The following AMMECR1 variants were observed in gnomAD, a reference collection of about 807,000 sequenced individuals.
AMMECR1 encodes the protein AMMECR nuclear protein 1.
In AMMECR1, 3 loss-of-function variants were observed where a neutral mutation model predicts 22.5. The ratio of observed to expected loss-of-function variants is 0.13; its 90% CI spans 0.06 to 0.35. The LOEUF (loss-of-function observed/expected upper bound fraction) is 0.35, where lower values mean the gene tolerates loss of function less well. Among genes scored for constraint, AMMECR1 ranks in the 10% least tolerant of loss-of-function variants. The pLI is 1.00. For missense variants in AMMECR1, 235 were observed against 278.7 expected, an observed-to-expected ratio of 0.84 and a Z score of 1.12; for synonymous variants, 130 against 116.7, an observed-to-expected ratio of 1.11 and a Z score of -0.74.
chrX:110,251,370 G>C (rs2067685482), intron 2 of AMMECR1, among the ~76,000 whole-genome samples: 2 of 111,758 alleles, frequency 1.8e-5, no homozygotes, highest in African/African-American at 3.3e-5. Flanking sequence ...GGAGTTGACT[G>C]GGTGGAAATG....
intron 2 of AMMECR1, among the ~76,000 whole-genome samples, chrX:110,344,382 A>T: frequency 8.9e-6 from 1 of 112,543 alleles, no homozygotes; most frequent in East Asian, 2.8e-4. Flanking sequence ...ACCTAAAACC[A>T]TAAAAACCCT....
At chrX:110,249,598 T>G (rs1390825808) in intron 2 of AMMECR1, among the ~76,000 whole-genome samples, 1 of 111,423 alleles carries the variant, frequency 9.0e-6, no homozygotes, top group East Asian at 2.8e-4. Flanking sequence ...AGCAGAGATA[T>G]GTTTAAAGAA....
rs1435450542 is a variant in AMMECR1, at chrX:110,196,368, C to T, written c.*2152G>A. The T allele has an allele frequency of 9.1e-6, 1 of 109,373 alleles. No homozygotes were observed. The highest frequency in any genetic ancestry group is 1.9e-5 in the Non-Finnish European group (1 of 52,729). The allele number at this position is 109,373 out of a possible 1,213,427, so 9.0% of individuals were successfully genotyped here. On this transcript the variant is annotated 3_prime_UTR_variant, in exon 6 of 6. Transcript: ENST00000262844. The stretch of plus-strand genomic sequence containing the variant: ...CTCTTCAGTTTGCTTGTTTTATTTA[C>T]CTTTTTTTCCTTTTTTTTGTTTTTT...
intron 2 of AMMECR1, among the ~76,000 whole-genome samples, chrX:110,377,502 T>G (rs1415824399): frequency 8.9e-6 from 1 of 112,089 alleles, no homozygotes; most frequent in South Asian, 3.7e-4. Flanking sequence ...AGCACTCCAA[T>G]CAAACTATTA....
At chrX:110,382,278 C>A (rs1234169022) in intron 2 of AMMECR1, among the ~76,000 whole-genome samples, 1 of 109,359 alleles carries the variant, frequency 9.1e-6, no homozygotes, top group African/African-American at 3.3e-5. Flanking sequence ...TGGGTCATGA[C>A]GAACTTTATT....
chrX:110,283,059 CAA>C (rs975956215), intron 1 of AMMECR1, among the ~76,000 whole-genome samples: 1 of 105,140 alleles, frequency 9.5e-6, no homozygotes, highest in Non-Finnish European at 2.0e-5. Context: ...TATGGGTTAA[CAA>C]AAAAAAAATG....
Position 110,317,707 on chromosome X carries a change from C to T in AMMECR1, c.365G>A (p.Arg122Gln). The change falls in exon 1 of 6, where the codon CGG becomes CAG. Residue 122 changes from arginine to glutamine, a missense_variant. By Grantham distance (43) the Arg-to-Gln change is conservative. This residue lies in a region of AMMECR1 where 111 missense variants were observed against 181.7 expected (regional missense o/e 0.61). Coordinates refer to ENST00000262844, the MANE Select transcript of AMMECR1 (RefSeq NM_015365.3). ...SAASSSSPGS[R>Q]KMVVSAEMCC... Reference sequence around the variant, plus strand: ...CATCTCTGCTGACACCACCATCTTCCGGGAGCCCGGCGATGAGGACGAGGC... The same window carrying T: ...CATCTCTGCTGACACCACCATCTTCTGGGAGCCCGGCGATGAGGACGAGGC... 8.3e-7 allele frequency: 1 copy of T among 1,205,052 alleles called. No homozygotes were observed.
intron 2 of AMMECR1, among the ~76,000 whole-genome samples, chrX:110,380,204 G>T (rs1448033013): frequency 8.9e-6 from 1 of 111,757 alleles, no homozygotes; most frequent in Non-Finnish European, 1.9e-5. Flanking sequence ...AATTAAGGTT[G>T]CAAAATTGTG....
chrX:110,200,016 T>A (rs1361803312), intron 5 of AMMECR1, among the ~76,000 whole-genome samples: 2 of 111,536 alleles, frequency 1.8e-5, no homozygotes, highest in African/African-American at 6.5e-5. Context: ...ATCAGACTAT[T>A]TCATATTCTC....
At chrX:110,208,103 T>C (rs1444346661) in intron 3 of AMMECR1, among the ~76,000 whole-genome samples, 1 of 112,550 alleles carries the variant, frequency 8.9e-6, no homozygotes, top group East Asian at 2.8e-4. Context: ...AAATTATTTT[T>C]CTCCTGAACC....
intron 1 of AMMECR1, among the ~76,000 whole-genome samples, chrX:110,432,181 C>T (rs1471391455): frequency 6.2e-5 from 7 of 112,284 alleles, no homozygotes; most frequent in East Asian, 2.8e-4. Context: ...AGTGCCTAGG[C>T]TCGCTCTTGC....
At chrX:110,265,415 A>G (rs1381537905) in intron 1 of AMMECR1, among the ~76,000 whole-genome samples, 1 of 111,867 alleles carries the variant, frequency 8.9e-6, no homozygotes, top group Non-Finnish European at 1.9e-5. Flanking sequence ...TTACCTGCAA[A>G]TACAATCTCT....
chrX:110,229,885 ACGGAGCCTTG>A, intron 2 of AMMECR1, among the ~76,000 whole-genome samples: 1 of 112,924 alleles, frequency 8.9e-6, no homozygotes, highest in East Asian at 2.8e-4. Flanking sequence ...TCCCACGCCC[ACGGAGCCTTG>A]CTTACTGCTA....
chrX:110,398,982 T>C (rs1418814255), intron 2 of AMMECR1, among the ~76,000 whole-genome samples: 2 of 112,142 alleles, frequency 1.8e-5, no homozygotes, highest in Non-Finnish European at 3.8e-5. Flanking sequence ...ACCTGCCATA[T>C]ATGTTGACTA....
At chrX:110,214,845 T>A (rs2067465627) in intron 3 of AMMECR1, among the ~76,000 whole-genome samples, 1 of 110,521 alleles carries the variant, frequency 9.0e-6, no homozygotes, top group Non-Finnish European at 1.9e-5. Context: ...ATCACTCCCA[T>A]CCCCACTACT....
At chrX:110,220,607 C>T (rs749045233) in intron 2 of AMMECR1, among the ~76,000 whole-genome samples, 3 of 111,323 alleles carry the variant, frequency 2.7e-5, no homozygotes, top group Non-Finnish European at 5.7e-5. Flanking sequence ...AAAAACAAAA[C>T]AAAACACTTA....
upstream of AMMECR1, among the ~76,000 whole-genome samples, chrX:110,321,121 T>C (rs186455197): frequency 1.8e-5 from 2 of 111,885 alleles, no homozygotes; most frequent in East Asian, 5.6e-4. Flanking sequence ...ACAGAACAAA[T>C]TCTGTGAAAA....
intron 1 of AMMECR1, among the ~76,000 whole-genome samples, chrX:110,276,385 A>G (rs2067826695): frequency 9.0e-6 from 1 of 111,461 alleles, no homozygotes; most frequent in African/African-American, 3.3e-5. Context: ...CCTTCTGGTT[A>G]TGGGTCACAT....
intron 2 of AMMECR1, among the ~76,000 whole-genome samples, chrX:110,254,700 T>C (rs1172700737): frequency 3.6e-5 from 4 of 112,277 alleles, no homozygotes; most frequent in Non-Finnish European, 7.5e-5. Flanking sequence ...TGACAGTCTA[T>C]ATGTTGAACT....
Sources: gnomAD v4.1 joint callset for allele counts (sites outside exome capture counted in the v4.1 genomes callset) on GRCh38, gnomAD v4.1.1 for gene constraint, gnomAD v4.1.1 regional missense constraint, MANE v1.5 for transcripts, NCBI Gene and HGNC (gene_info 2026-07-23, HGNC 2026-07-21) for gene names.